Variants in ATL1 observed in about 807,000 individuals in gnomAD.
ATL1 encodes atlastin GTPase 1, also known as atlastin-1.
ATL1 carries 31 observed loss-of-function variants against 75.5 expected under a neutral mutation model. That is an observed-to-expected ratio of 0.41 (90% confidence interval 0.31 to 0.55). ATL1 has a LOEUF of 0.55. Ranked by LOEUF, ATL1 falls within the 20% of genes least tolerant of loss-of-function variation. ATL1 has a pLI of 0.27. For missense variants in ATL1, 405 were observed against 662.6 expected (o/e 0.61, Z 4.27); for synonymous variants, 226 against 233.3 (o/e 0.97, Z 0.28).
chr14:50,543,100 T>A (rs942899835), intron 1 of ATL1, among the ~76,000 whole-genome samples: 1 of 152,212 alleles, frequency 6.6e-6, no homozygotes, highest in Non-Finnish European at 1.5e-5. Flanking sequence ...AGATCTGTTC[T>A]CCAGGTGTCA....
At chr14:50,534,721 AT>A (rs1432521029) in intron 1 of ATL1, among the ~76,000 whole-genome samples, 1 of 152,218 alleles carries the variant, frequency 6.6e-6, no homozygotes, top group East Asian at 1.9e-4. Context: ...TGCTATAATC[AT>A]TATTTTACTT....
intron 2 of ATL1, among the ~76,000 whole-genome samples, chr14:50,590,484 T>G (rs185818345): frequency 6.6e-6 from 1 of 152,256 alleles, no homozygotes; most frequent in East Asian, 1.9e-4. Flanking sequence ...TTGCCTTCCT[T>G]TCTGGAATGC....
rs369297190 is a variant in ATL1, at chr14:50,623,493, G to A, written c.1119+245G>A. ...GTAATATATCCCTATTCACATATTTGGGGGGAGCGCCAGGTCTTTCCACTA... is the reference window on the plus strand; with the variant it reads ...GTAATATATCCCTATTCACATATTTAGGGGGAGCGCCAGGTCTTTCCACTA... On this transcript the variant is annotated intron_variant, in intron 11 of 13. Coordinates refer to ENST00000358385, the MANE Select transcript of ATL1 (RefSeq NM_015915.5). Among the ~76,000 whole-genome samples, 3 of 151,436 alleles carry A rather than the reference G, an allele frequency of 2.0e-5. No homozygotes were observed. In the East Asian group the frequency reaches 5.8e-4, roughly 29 times the overall value.
chr14:50,539,616 G>A (rs977178797), intron 1 of ATL1, among the ~76,000 whole-genome samples: 1 of 152,228 alleles, frequency 6.6e-6, no homozygotes. Flanking sequence ...GGGCATTTGA[G>A]CAGATATGAA....
intron 11 of ATL1, among the ~76,000 whole-genome samples, chr14:50,623,574 T>C (rs561963366): frequency 2.0e-5 from 3 of 151,992 alleles, no homozygotes; most frequent in South Asian, 2.1e-4. Flanking sequence ...TACACCTCCT[T>C]ATATTCCACA....
At chr14:50,591,127 T>A (rs765711202) in intron 3 of ATL1, 52 bp downstream of exon 3, 3 of 1,566,800 alleles carry the variant, frequency 1.9e-6, no homozygotes, top group Admixed American at 3.4e-5. Context: ...TAACAGTTAC[T>A]ACTTTTTAGG....
chr14:50,564,712 A>C lies in ATL1; in HGVS notation c.34+4413A>C, dbSNP rs1305759296. On this transcript the variant is annotated intron_variant, in intron 1 of 13. Transcript: ENST00000358385. ...AAGGAAAAAGAACGATAGTATTCGC[A>C]GCAAAGTATCAGCTTTGACTACCTT... is the stretch of plus-strand genomic sequence containing the variant. Among the ~76,000 whole-genome samples the C allele has an allele frequency of 2.0e-5, 3 of 150,804 alleles. No individual in the cohort carries two copies. In the East Asian group the frequency reaches 5.8e-4, roughly 29 times the overall value.
intron 9 of ATL1, 86 bp downstream of exon 9, chr14:50,620,812 A>T (rs1595619659): frequency 6.8e-7 from 1 of 1,475,564 alleles, no homozygotes; most frequent in East Asian, 2.3e-5. Context: ...TATAGACCCG[A>T]TAATATGGGA....
intron 1 of ATL1, among the ~76,000 whole-genome samples, chr14:50,548,882 G>T (rs1178711508): frequency 6.6e-6 from 1 of 152,062 alleles, no homozygotes; most frequent in Non-Finnish European, 1.5e-5. Context: ...CATGTATAGG[G>T]CATTGCAACA....
intron 4 of ATL1, 70 bp from the exon 5 acceptor site, chr14:50,593,776 G>A (rs2039186277): frequency 5.1e-6 from 5 of 983,418 alleles, no homozygotes; most frequent in Non-Finnish European, 8.2e-6. Context: ...TTTAAAAGTA[G>A]GGAATGATGA....
intron 6 of ATL1, among the ~76,000 whole-genome samples, chr14:50,605,582 T>C (rs1000730472): frequency 1.3e-5 from 2 of 152,022 alleles, no homozygotes; most frequent in African/African-American, 4.8e-5. Context: ...ATTTAGAACC[T>C]TTGTCCAATT....
At chr14:50,620,867 C>T in intron 9 of ATL1, 141 bp downstream of exon 9, 1 of 1,063,928 alleles carries the variant, frequency 9.4e-7, no homozygotes, top group East Asian at 2.7e-5. Flanking sequence ...AAAATCCTTT[C>T]TAAAAAGCTT....
intron 13 of ATL1, among the ~76,000 whole-genome samples, chr14:50,630,479 T>C (rs2039569190): frequency 1.3e-5 from 2 of 152,268 alleles, no homozygotes; most frequent in South Asian, 4.1e-4. Context: ...ATGTATTCTT[T>C]CTTGGCAGAC....
chr14:50,608,451 T>C (rs1188084034), intron 6 of ATL1, among the ~76,000 whole-genome samples: 1 of 145,860 alleles, frequency 6.9e-6, no homozygotes, highest in Non-Finnish European at 1.5e-5. Context: ...ACCACAGAAA[T>C]TGGCAAATGC....
At chr14:50,598,393 G>C (rs2039241216) in intron 6 of ATL1, among the ~76,000 whole-genome samples, 1 of 151,660 alleles carries the variant, frequency 6.6e-6, no homozygotes, top group African/African-American at 2.4e-5. Context: ...TCTTGCTCTT[G>C]TTGTCCGGGA....
intron 4 of ATL1, among the ~76,000 whole-genome samples, chr14:50,592,277 T>A (rs1223378280): frequency 1.3e-5 from 2 of 152,120 alleles, no homozygotes; most frequent in African/African-American, 4.8e-5. Context: ...TTTTTAGATA[T>A]TTTCAATCCA....
At chr14:50,590,806 G>A in intron 2 of ATL1, 135 bp from the exon 3 acceptor site, 1 of 838,162 alleles carries the variant, frequency 1.2e-6, no homozygotes, top group Non-Finnish European at 1.9e-6. Flanking sequence ...ATAAAGTGAT[G>A]GTATCAATGC....
intron 1 of ATL1, among the ~76,000 whole-genome samples, chr14:50,580,667 TC>T (rs1420768186): frequency 6.6e-6 from 1 of 152,168 alleles, no homozygotes; most frequent in Non-Finnish European, 1.5e-5. Flanking sequence ...CTTATGATTT[TC>T]CTTTTTTATA....
chr14:50,560,216 G>C lies in ATL1; in HGVS notation c.-50G>C. 6.2e-7 allele frequency: 1 copy of C among 1,610,036 alleles called. No homozygotes were observed. The highest frequency in any genetic ancestry group is 8.5e-7 in the Non-Finnish European group (1 of 1,178,014). ...GCCAGCAACCTGCGGCCCCGGAGAA[G>C]GCAGCGAGCGCAGTGACAGCGCCTC... On this transcript the variant is annotated 5_prime_UTR_variant, in exon 1 of 14. Coordinates refer to ENST00000358385, the MANE Select transcript of ATL1 (RefSeq NM_015915.5).
Sources: gnomAD v4.1 joint callset for allele counts (sites outside exome capture counted in the v4.1 genomes callset) on GRCh38, gnomAD v4.1.1 for gene constraint, MANE v1.5 for transcripts, NCBI Gene and HGNC (gene_info 2026-07-23, HGNC 2026-07-21) for gene names.